Variants in TAFA2 observed in about 807,000 individuals in gnomAD.
TAFA2 encodes chemokine-like protein TAFA-2.
A neutral mutation model predicts 18.8 loss-of-function variants in TAFA2; 7 were observed. That is an observed-to-expected ratio of 0.37 (90% CI 0.21 to 0.70). The LOEUF (loss-of-function observed/expected upper bound fraction) is 0.70. Among genes scored for constraint, TAFA2 ranks in the 30% least tolerant of loss-of-function variants. The pLI, the probability that TAFA2 is intolerant of heterozygous loss-of-function variation, is 0.53. For missense variants in TAFA2, 122 were observed against 158.1 expected, an observed-to-expected ratio of 0.77 and a Z score of 1.23; for synonymous variants, 60 against 54.2, an observed-to-expected ratio of 1.11 and a Z score of -0.47.
chr12:62,066,244 A>T (rs1882484798), intron 1 of TAFA2, among the ~76,000 whole-genome samples: 1 of 151,834 alleles, frequency 6.6e-6, no homozygotes, highest in Admixed American at 6.6e-5. Flanking sequence ...AGATAAATAG[A>T]GTATCCATCA....
chr12:62,006,643 C>T (rs1880561429), intron 1 of TAFA2, among the ~76,000 whole-genome samples: 1 of 152,134 alleles, frequency 6.6e-6, no homozygotes, highest in Non-Finnish European at 1.5e-5. Context: ...GATGGAGCCA[C>T]CCAATGTTTT....
chr12:61,755,003 G>C lies in TAFA2; in HGVS notation c.128C>G (p.Thr43Ser), dbSNP rs377514464. 2 of 1,612,756 alleles carry C rather than the reference G, an allele frequency of 1.2e-6. No individual in the cohort carries two copies. Among genetic ancestry groups the C allele is most frequent in the Non-Finnish European group, 8.5e-7 (1 of 1,179,272 alleles). ...TCTGTGGAGTGCCACCACCTCACAA[G>C]TTCCCGTTTTAACATGGTGAGCTGC... ...HHKAHHVKTG[T>S]CEVVALHRCC... The change falls in exon 3 of 5, where the codon ACT becomes AGT. Residue 43 changes from threonine to serine, a missense_variant. Thr to Ser is a moderately conservative substitution (Grantham distance 58). Coordinates refer to ENST00000416284, the MANE Select transcript of TAFA2 (RefSeq NM_178539.5).
At chr12:62,086,632 A>T (rs922150136) in intron 1 of TAFA2, among the ~76,000 whole-genome samples, 1 of 152,144 alleles carries the variant, frequency 6.6e-6, no homozygotes, top group African/African-American at 2.4e-5. Context: ...CTATTACCCA[A>T]AAAAGGGTAG....
chr12:62,008,590 A>G (rs780290157), intron 1 of TAFA2, among the ~76,000 whole-genome samples: 2 of 152,184 alleles, frequency 1.3e-5, no homozygotes, highest in Non-Finnish European at 2.9e-5. Flanking sequence ...ATGATATTCT[A>G]TTTAAAATAT....
intron 1 of TAFA2, among the ~76,000 whole-genome samples, chr12:62,201,606 T>C (rs754993276): frequency 6.6e-6 from 1 of 152,222 alleles, no homozygotes; most frequent in African/African-American, 2.4e-5. Flanking sequence ...TCATGGTGGA[T>C]AAGCTTTTTG....
At chr12:61,746,220 G>A (rs1182940910) in intron 4 of TAFA2, among the ~76,000 whole-genome samples, 3 of 152,014 alleles carry the variant, frequency 2.0e-5, no homozygotes, top group Non-Finnish European at 4.4e-5. Flanking sequence ...TAAGCATCTG[G>A]CATTTCCCTT....
At chr12:62,140,128 G>C (rs945446612) in intron 1 of TAFA2, 1 of 152,140 alleles carries the variant, frequency 6.6e-6, no homozygotes, top group Non-Finnish European at 1.5e-5. Context: ...TTTGTCCTGG[G>C]AAGTTGGCAG....
rs114640869 is a variant in TAFA2 at position 62,015,705 on chromosome 12, T to G, written c.-1-148279A>C. On this transcript the variant is annotated intron_variant, in intron 1 of 4. Transcript: ENST00000416284. ...TTTATTGCAAGACAATTGCATTAAGTTCACATCCTCACATAGATCCAGCAG... is the reference window on the plus strand; with the variant it reads ...TTTATTGCAAGACAATTGCATTAAGGTCACATCCTCACATAGATCCAGCAG... Among the ~76,000 whole-genome samples, 573 of 152,296 alleles carry G rather than the reference T, an allele frequency of 3.8e-3. 2 individuals are homozygous for G. The highest frequency in any genetic ancestry group is 0.013 in the African/African-American group (530 of 41,556).
chr12:61,746,600 T>C (rs1259474079), intron 4 of TAFA2, among the ~76,000 whole-genome samples: 1 of 152,142 alleles, frequency 6.6e-6, no homozygotes, highest in Non-Finnish European at 1.5e-5. Flanking sequence ...CCACCTGAGC[T>C]ACACTGTGCC....
intron 1 of TAFA2, among the ~76,000 whole-genome samples, chr12:62,000,268 T>C (rs1565711077): frequency 1.7e-5 from 2 of 116,948 alleles, no homozygotes; most frequent in East Asian, 4.4e-4. Context: ...CCTAACTATA[T>C]TAAGAGGAGC....
chr12:62,210,767 C>A (rs941297567), intron 1 of TAFA2, among the ~76,000 whole-genome samples: 2 of 151,708 alleles, frequency 1.3e-5, no homozygotes, highest in African/African-American at 2.4e-5. Context: ...TAGAAACAAT[C>A]GAAAGGAGTA....
Position 61,708,659 on chromosome 12 carries a change from T to C in TAFA2, c.*1747A>G, listed in dbSNP as rs1449909318. On this transcript the variant is annotated 3_prime_UTR_variant, in exon 5 of 5. Coordinates refer to ENST00000416284, the MANE Select transcript of TAFA2 (RefSeq NM_178539.5). Reference sequence around the variant, plus strand: ...GCCATCTAATTCATTTTATGCATGATTAAAATGGAGGCAGAAAGCCATTTC... The same window carrying C: ...GCCATCTAATTCATTTTATGCATGACTAAAATGGAGGCAGAAAGCCATTTC... 6.6e-6 allele frequency: 1 copy of C among 152,148 alleles called. No individual in the cohort carries two copies. The highest frequency in any genetic ancestry group is 2.4e-5 in the African/African-American group (1 of 41,456). 9.4% of individuals were successfully genotyped at this position (152,148 alleles called of 1,614,324 possible). A position where few individuals can be genotyped will look rare whatever the true frequency, so the allele number is the denominator to read the frequency against.
At chr12:61,946,376 C>T (rs1358336548) in intron 1 of TAFA2, among the ~76,000 whole-genome samples, 1 of 134,244 alleles carries the variant, frequency 7.4e-6, no homozygotes, top group Non-Finnish European at 1.6e-5. Context: ...CTAGGCATTA[C>T]CATTCAGGAC....
At position 61,841,181 on chromosome 12, in the gene TAFA2, A is replaced by G. The variant is rs1422650745; in HGVS notation, c.106+26139T>C. ...CTATATCCACCATGGACAATGTGCA[A>G]TCACAATGAGCACAACCCTGGCAGG... On this transcript the variant is annotated intron_variant, in intron 2 of 4. Transcript: ENST00000416284. Among the ~76,000 whole-genome samples, 3 of 152,114 alleles carry G rather than the reference A, an allele frequency of 2.0e-5. No individual in the cohort carries two copies. The East Asian group carries it at 5.8e-4, about 29-fold the overall frequency.
chr12:62,208,340 TG>T (rs1246217165), intron 1 of TAFA2, among the ~76,000 whole-genome samples: 1 of 152,036 alleles, frequency 6.6e-6, no homozygotes, highest in Non-Finnish European at 1.5e-5. Flanking sequence ...AAAAAAAAGC[TG>T]TTTCTTAATT....
intron 1 of TAFA2, among the ~76,000 whole-genome samples, chr12:61,998,261 A>G (rs1240681067): frequency 6.6e-6 from 1 of 152,228 alleles, no homozygotes; most frequent in African/African-American, 2.4e-5. Context: ...ACAAAATTAC[A>G]TCTTCACAGA....
rs538295482 is a variant in TAFA2, at chr12:62,147,535, C to A, written c.-2+43724G>T. ...ACAAGGTCAGGAGATCAAGACCATC[C>A]TGGCTAACACAGTGAACCCTTGTCT... On this transcript the variant is annotated intron_variant, in intron 1 of 4. Coordinates refer to ENST00000416284, the MANE Select transcript of TAFA2 (RefSeq NM_178539.5). 2.7e-5 allele frequency among the ~76,000 whole-genome samples: 4 copies of A among 150,054 alleles called. 1 individual carries two copies. The highest frequency in any genetic ancestry group is 9.7e-5 in the African/African-American group (4 of 41,058).
chr12:62,127,771 G>T (rs540724295), intron 1 of TAFA2, among the ~76,000 whole-genome samples: 1 of 152,004 alleles, frequency 6.6e-6, no homozygotes, highest in East Asian at 1.9e-4. Flanking sequence ...CTTGTGCCTT[G>T]TCTTTCTTGT....
At chr12:62,174,926 T>C (rs1359142769) in intron 1 of TAFA2, among the ~76,000 whole-genome samples, 1 of 152,226 alleles carries the variant, frequency 6.6e-6, no homozygotes, top group African/African-American at 2.4e-5. Context: ...AGATATATTC[T>C]TGATTATAAA....
Sources: allele counts gnomAD v4.1 joint callset (sites outside exome capture counted in the v4.1 genomes callset), GRCh38; gene constraint gnomAD v4.1.1; transcripts MANE v1.5; gene names NCBI Gene and HGNC (gene_info 2026-07-23, HGNC 2026-07-21).